Variants in TSG101 observed in about 807,000 individuals in gnomAD.
TSG101 encodes tumor susceptibility gene 101 protein.
Under a neutral mutation model 48.5 loss-of-function variants are expected in TSG101, and 19 were observed. The ratio of observed to expected loss-of-function variants is 0.39; its 90% CI spans 0.27 to 0.58. The LOEUF (loss-of-function observed/expected upper bound fraction) is 0.58, where lower values mean the gene tolerates loss of function less well. TSG101 is among the 20% of genes least tolerant of loss of function. TSG101 has a pLI of 0.55. For synonymous variants in TSG101, 174 were observed against 169.4 expected, an observed-to-expected ratio of 1.03 and a Z score of -0.21; for missense variants, 365 against 484.4, an observed-to-expected ratio of 0.75 and a Z score of 2.31.
chr11:18,526,158 G>A (rs921681786), intron 1 of TSG101, among the ~76,000 whole-genome samples: 2 of 150,992 alleles, frequency 1.3e-5, no homozygotes, highest in African/African-American at 2.4e-5. Flanking sequence ...CACTAGTCTT[G>A]AGCCGTGAAG....
At position 18,511,868 on chromosome 11, in the gene TSG101, T is replaced by C. The variant is rs148132622; in HGVS notation, c.358-2203A>G. Among the ~76,000 whole-genome samples, 107 of 152,312 alleles carry C rather than the reference T, an allele frequency of 7.0e-4. 3 individuals are homozygous for C. The highest frequency in any genetic ancestry group is 6.3e-3 in the Admixed American group (96 of 15,290). ...TCTATAGATTTGCTTTCCTAAATGT[T>C]TCATATAAATGAAATCATACAATAT... On this transcript the variant is annotated intron_variant, in intron 4 of 9. Transcript: ENST00000251968.
rs769702284 is a variant in TSG101, at chr11:18,480,499, GA to G, written c.*46del. 4.0e-6 allele frequency: 6 copies of G among 1,485,648 alleles called. No individual in the cohort carries two copies. Among genetic ancestry groups the G allele is most frequent in the Non-Finnish European group, 5.6e-6 (6 of 1,071,650 alleles). The allele number at this position is 1,485,648 out of a possible 1,614,324, so 92.0% of individuals were successfully genotyped here. A position where few individuals can be genotyped will look rare whatever the true frequency, so the allele number is the denominator to read the frequency against. ...TGGGCACCTACTGATAAAAGGAAGA[GA>G]AGAATACTTTAAGAAGAGCTCAACC... On this transcript the variant is annotated 3_prime_UTR_variant, in exon 10 of 10. Transcript: ENST00000251968.
At chr11:18,524,727 T>A (rs1357941845) in intron 1 of TSG101, among the ~76,000 whole-genome samples, 1 of 152,038 alleles carries the variant, frequency 6.6e-6, no homozygotes, top group Non-Finnish European at 1.5e-5. Flanking sequence ...TCTAAAGTAA[T>A]CACAGGTTGG....
At chr11:18,503,077 T>C (rs1849914548) in intron 6 of TSG101, among the ~76,000 whole-genome samples, 1 of 152,228 alleles carries the variant, frequency 6.6e-6, no homozygotes, top group Non-Finnish European at 1.5e-5. Context: ...TTTCTCACTT[T>C]CTGGACAGTT....
At chr11:18,485,897 T>C (rs764766346) in intron 7 of TSG101, among the ~76,000 whole-genome samples, 3 of 152,226 alleles carry the variant, frequency 2.0e-5, no homozygotes, top group Non-Finnish European at 4.4e-5. Flanking sequence ...GGCTGAAAGA[T>C]TGGACTGCTG....
chr11:18,514,861 T>C lies in TSG101; in HGVS notation c.194-20A>G, dbSNP rs771827788. On this transcript the variant is annotated intron_variant, in intron 3 of 9. Transcript: ENST00000251968. Reference sequence around the variant, plus strand: ...TATTACCTGAAAAAGAAATAGAAACTTCAGTTACTCTATTTTTATTATTTT... The same window carrying C: ...TATTACCTGAAAAAGAAATAGAAACCTCAGTTACTCTATTTTTATTATTTT... The C allele has an allele frequency of 5.9e-6, 9 of 1,520,320 alleles. No homozygotes were observed. The highest frequency in any genetic ancestry group is 1.8e-4 in the Middle Eastern group (1 of 5,420). The allele number at this position is 1,520,320 out of a possible 1,614,324, so 94.2% of individuals were successfully genotyped here. A position where few individuals can be genotyped will look rare whatever the true frequency, so the allele number is the denominator to read the frequency against.
chr11:18,487,440 G>GA (rs1020831113), intron 7 of TSG101, among the ~76,000 whole-genome samples: 3 of 151,996 alleles, frequency 2.0e-5, no homozygotes, highest in African/African-American at 4.8e-5. Flanking sequence ...CAAAGGATTA[G>GA]AAAAAATGTA....
At chr11:18,499,717 A>C (rs912241935) in intron 7 of TSG101, among the ~76,000 whole-genome samples, 1 of 151,434 alleles carries the variant, frequency 6.6e-6, no homozygotes, top group Non-Finnish European at 1.5e-5. Flanking sequence ...GGCCTAAAAA[A>C]TTTTTTTAGA....
intron 7 of TSG101, among the ~76,000 whole-genome samples, chr11:18,484,613 C>CA (rs1275098666): frequency 6.6e-6 from 1 of 152,074 alleles, no homozygotes; most frequent in African/African-American, 2.4e-5. Context: ...AACAGATGAA[C>CA]AAAAAAGAAT....
chr11:18,489,865 G>T (rs116075732), intron 7 of TSG101, among the ~76,000 whole-genome samples: 104 of 152,284 alleles, frequency 6.8e-4, no homozygotes, highest in African/African-American at 2.5e-3. Context: ...CAATGGAATT[G>T]TATTTCAATG....
chr11:18,526,933 G>GCACCACTA lies in TSG101; in HGVS notation c.-125_-118dup. 3 of 1,125,226 alleles carry GCACCACTA rather than the reference G, an allele frequency of 2.7e-6. No homozygotes were observed. The highest frequency in any genetic ancestry group is 3.8e-6 in the Non-Finnish European group (3 of 787,412). 69.7% of individuals were successfully genotyped at this position (1,125,226 alleles called of 1,614,324 possible). ...CCCGGCCTCAAACAACAGGAAGTCGGCACCACTACACCACTTCCGCTTCCA... is the reference window on the plus strand; with the variant it reads ...CCCGGCCTCAAACAACAGGAAGTCGGCACCACTACACCACTACACCACTTCCGCTTCCA... On this transcript the variant is annotated 5_prime_UTR_variant, in exon 1 of 10. Coordinates refer to ENST00000251968, the MANE Select transcript of TSG101 (RefSeq NM_006292.4).
intron 1 of TSG101, among the ~76,000 whole-genome samples, chr11:18,524,145 A>G (rs1028052812): frequency 1.3e-5 from 2 of 152,230 alleles, no homozygotes; most frequent in Admixed American, 6.5e-5. Flanking sequence ...AATGCTGTAG[A>G]TAAACTATGT....
chr11:18,483,196 T>C (rs1849570088), intron 8 of TSG101, among the ~76,000 whole-genome samples: 2 of 152,092 alleles, frequency 1.3e-5, no homozygotes, highest in Admixed American at 1.3e-4. Flanking sequence ...GCCACCACCA[T>C]GTAAGAAGTG....
chr11:18,484,185 G>T, intron 7 of TSG101, 113 bp from the exon 8 acceptor site: 1 of 1,023,576 alleles, frequency 9.8e-7, no homozygotes, highest in Non-Finnish European at 1.4e-6. Context: ...AAAATGTGAG[G>T]AAAGAAAAAA....
At chr11:18,519,451 A>T in intron 2 of TSG101, 68 bp downstream of exon 2, 1 of 1,325,462 alleles carries the variant, frequency 7.5e-7, no homozygotes, top group Non-Finnish European at 1.1e-6. Context: ...AATGGAAAAA[A>T]TTACAATCAT....
chr11:18,506,972 T>G, intron 5 of TSG101, 49 bp from the exon 6 acceptor site: 2 of 1,459,836 alleles, frequency 1.4e-6, no homozygotes, highest in Non-Finnish European at 1.9e-6. Context: ...AAGGCCTGAA[T>G]ATGTAGGCTA....
intron 6 of TSG101, among the ~76,000 whole-genome samples, chr11:18,503,952 C>T (rs549794191): frequency 2.6e-5 from 4 of 152,062 alleles, no homozygotes; most frequent in African/African-American, 7.2e-5. Context: ...ACCTGTAATC[C>T]TAGCACTTTG....
At chr11:18,490,290 A>G (rs915578784) in intron 7 of TSG101, 12 of 574,090 alleles carry the variant, frequency 2.1e-5, no homozygotes, top group Non-Finnish European at 3.4e-5. Context: ...ATGTCCACAG[A>G]GTAACACTGT....
At chr11:18,488,598 G>A (rs978153693) in intron 7 of TSG101, among the ~76,000 whole-genome samples, 1 of 152,138 alleles carries the variant, frequency 6.6e-6, no homozygotes, top group Admixed American at 6.5e-5. Context: ...GAGCAACACC[G>A]TGTTGAGAAC....
Sources: gnomAD v4.1 joint callset for allele counts (sites outside exome capture counted in the v4.1 genomes callset) on GRCh38, gnomAD v4.1.1 for gene constraint, MANE v1.5 for transcripts, NCBI Gene and HGNC (gene_info 2026-07-23, HGNC 2026-07-21) for gene names.